The following NSDHL variants were observed in gnomAD, a reference collection of about 807,000 sequenced individuals.
The protein encoded by NSDHL is sterol-4-alpha-carboxylate 3-dehydrogenase, decarboxylating.
NSDHL carries 1 observed loss-of-function variant against 23.0 expected under a neutral mutation model. The observed-to-expected ratio is 0.04, with a 90% CI of 0.02 to 0.21. The LOEUF (loss-of-function observed/expected upper bound fraction) is 0.21. Among genes scored for constraint, NSDHL ranks in the 10% least tolerant of loss-of-function variants. NSDHL has a pLI of 1.00. For missense variants in NSDHL, 237 were observed against 300.9 expected (o/e 0.79, Z 1.57); for synonymous variants, 128 against 121.1 (o/e 1.06, Z -0.37).
intron 3 of NSDHL, among the ~76,000 whole-genome samples, chrX:152,853,349 C>T: frequency 9.0e-6 from 1 of 110,693 alleles, no homozygotes; most frequent in Non-Finnish European, 1.9e-5. Context: ...CAACCAAAAA[C>T]CTTAGATTCA....
intron 3 of NSDHL, among the ~76,000 whole-genome samples, chrX:152,853,626 C>T (rs182692546): frequency 8.9e-6 from 1 of 112,341 alleles, no homozygotes; most frequent in East Asian, 2.8e-4. Flanking sequence ...ACCCATGAGG[C>T]CCTGCACGGC....
intron 5 of NSDHL, among the ~76,000 whole-genome samples, chrX:152,863,168 A>C (rs1451224471): frequency 1.5e-4 from 15 of 100,548 alleles, no homozygotes; most frequent in Non-Finnish European, 2.6e-4. Context: ...GCTGTCTCCC[A>C]AAAAAAAAAA....
chrX:152,831,830 C>A (rs1201149627), intron 1 of NSDHL: 1 of 111,259 alleles, frequency 9.0e-6, no homozygotes, highest in African/African-American at 3.3e-5. Context: ...ACCTGTTTTT[C>A]CTCCAGGCAT....
At chrX:152,834,830 T>C (rs1933066597) in intron 1 of NSDHL, among the ~76,000 whole-genome samples, 1 of 112,458 alleles carries the variant, frequency 8.9e-6, no homozygotes, top group Admixed American at 9.4e-5. Context: ...ATTCCTTGGA[T>C]AGCCAAACTC....
chrX:152,842,979 C>T lies in NSDHL; in HGVS notation c.-43-3303C>T, dbSNP rs192533293. ...GCCTATGGGATCTGACTCATTTGCG[C>T]GGCTAGCTCTGGGTACTCCAACCCA... On this transcript the variant is annotated intron_variant, in intron 1 of 7. Coordinates refer to ENST00000370274, the MANE Select transcript of NSDHL (RefSeq NM_015922.3). Among the ~76,000 whole-genome samples, 450 of 111,804 alleles carry T rather than the reference C, an allele frequency of 4.0e-3. 1 individual carries two copies. Among genetic ancestry groups the T allele is most frequent in the African/African-American group, 0.014 (426 of 30,727 alleles).
In NSDHL at chrX:152,863,906, G is replaced by A. The variant is rs370790901; in HGVS notation, c.543+1182G>A. ...GCCAGCTGCCTCCTGGCTGTTTGCC[G>A]TATTTTTTTTTTTTTTCTTTTTTGA... is the stretch of plus-strand genomic sequence containing the variant. On this transcript the variant is annotated intron_variant, in intron 5 of 7. Coordinates refer to ENST00000370274, the MANE Select transcript of NSDHL (RefSeq NM_015922.3). Among the ~76,000 whole-genome samples, 32 of 108,111 alleles carry A rather than the reference G, an allele frequency of 3.0e-4. No individual in the cohort carries two copies. The East Asian group carries it at 7.9e-3, about 27-fold the overall frequency. 93.9% of individuals were successfully genotyped at this position (108,111 alleles called of 115,157 possible). A position where few individuals can be genotyped will look rare whatever the true frequency, so the allele number is the denominator to read the frequency against.
intron 7 of NSDHL, 95 bp downstream of exon 7, chrX:152,867,768 G>A (rs941718275): frequency 1.6e-5 from 10 of 635,506 alleles, no homozygotes; most frequent in East Asian, 1.0e-4. Context: ...CTGTGATCCT[G>A]TATCATGGAG....
chrX:152,861,511 C>T (rs1556847522), intron 4 of NSDHL, among the ~76,000 whole-genome samples: 2 of 112,941 alleles, frequency 1.8e-5, no homozygotes, highest in Non-Finnish European at 3.7e-5. Flanking sequence ...CTTTGTTCTT[C>T]TACATATGTT....
intron 2 of NSDHL, among the ~76,000 whole-genome samples, chrX:152,847,613 G>A (rs895445701): frequency 8.9e-6 from 1 of 111,758 alleles, no homozygotes; most frequent in Non-Finnish European, 1.9e-5. Context: ...TGTGTCCTTC[G>A]AAATAACATT....
chrX:152,867,141 C>T (rs1346012459), intron 6 of NSDHL, among the ~76,000 whole-genome samples: 2 of 111,836 alleles, frequency 1.8e-5, no homozygotes, highest in African/African-American at 6.5e-5. Context: ...TCCTTTTTCC[C>T]TCTGCCTTGC....
chrX:152,858,927 G>A lies in NSDHL; in HGVS notation c.414+11G>A. 1 of 1,199,541 alleles carries A rather than the reference G, an allele frequency of 8.3e-7. No individual in the cohort carries two copies. Among genetic ancestry groups the A allele is most frequent in the Non-Finnish European group, 1.1e-6 (1 of 884,439 alleles). Reference sequence around the variant, plus strand: ...GAGGCTGGGGTTCAGGTAAGGGGAAGGCTGGAGTGAGTGCTGTCAGGAGCA... The same window carrying A: ...GAGGCTGGGGTTCAGGTAAGGGGAAAGCTGGAGTGAGTGCTGTCAGGAGCA... On this transcript the variant is annotated intron_variant, in intron 4 of 7. Transcript: ENST00000370274.
chrX:152,834,133 G>A (rs1457834319), intron 1 of NSDHL, among the ~76,000 whole-genome samples: 2 of 112,194 alleles, frequency 1.8e-5, no homozygotes, highest in Non-Finnish European at 1.9e-5. Flanking sequence ...AGGGTGCTGA[G>A]TGTGAGGATG....
chrX:152,848,813 G>A (rs1049841026), intron 2 of NSDHL, among the ~76,000 whole-genome samples: 2 of 112,105 alleles, frequency 1.8e-5, no homozygotes, highest in African/African-American at 6.5e-5. Context: ...TTGGGAGGAG[G>A]GGAGAAGAAA....
At chrX:152,859,681 T>C (rs782783683) in intron 4 of NSDHL, among the ~76,000 whole-genome samples, 1 of 112,770 alleles carries the variant, frequency 8.9e-6, no homozygotes, top group South Asian at 3.7e-4. Flanking sequence ...AATAGTGTTA[T>C]GAACACAAGT....
intron 1 of NSDHL, among the ~76,000 whole-genome samples, chrX:152,835,501 C>T (rs1376349713): frequency 1.0e-5 from 1 of 99,937 alleles, no homozygotes; most frequent in Non-Finnish European, 2.0e-5. Flanking sequence ...GCCCTGTGTC[C>T]AAGTGTTCTT....
rs140430695 is a variant in NSDHL, at chrX:152,869,103, G to A, written c.1109G>A (p.Arg370Gln). The A allele has an allele frequency of 1.8e-4, 217 of 1,207,476 alleles. 1 individual carries two copies. In the African/African-American group the frequency reaches 2.0e-3, roughly 11 times the overall value. Residue 370 changes from arginine to glutamine, a missense_variant, in exon 8 of 8, where the codon CGG becomes CAG. This residue lies in a region of NSDHL where 117 missense variants were observed against 99.5 expected (regional missense o/e 1.18). Coordinates refer to ENST00000370274, the MANE Select transcript of NSDHL (RefSeq NM_015922.3). ...ACCGTGCAGAGCTTTCGCCACCTGC[G>A]GAGGGTCAAGTGAGGGACACTGGAG... ...ERTVQSFRHL[R>Q]RVK
At chrX:152,833,651 C>T (rs1437826898) in intron 1 of NSDHL, among the ~76,000 whole-genome samples, 2 of 112,261 alleles carry the variant, frequency 1.8e-5, no homozygotes, top group African/African-American at 6.5e-5. Context: ...GGACACCATG[C>T]GCTCTGTTTT....
chrX:152,867,802 C>T, intron 7 of NSDHL, 129 bp downstream of exon 7: 1 of 540,550 alleles, frequency 1.8e-6, no homozygotes, highest in South Asian at 2.5e-5. Flanking sequence ...ACCCCCTGTG[C>T]CAAGATCAAG....
intron 3 of NSDHL, among the ~76,000 whole-genome samples, chrX:152,853,128 C>T (rs868979376): frequency 2.1e-5 from 2 of 97,158 alleles, no homozygotes; most frequent in Admixed American, 1.2e-4. Context: ...CTCTCAGGCA[C>T]GTGTGTGTGT....
Sources: allele counts gnomAD v4.1 joint callset (sites outside exome capture counted in the v4.1 genomes callset), GRCh38; gene constraint gnomAD v4.1.1; regional missense constraint gnomAD v4.1.1; transcripts MANE v1.5; gene names NCBI Gene and HGNC (gene_info 2026-07-23, HGNC 2026-07-21).